Variants in RAB38 observed in about 807,000 individuals in gnomAD.
The protein encoded by RAB38 is ras-related protein Rab-38.
In RAB38, 15 loss-of-function variants were observed where a neutral mutation model predicts 18.4. That is an observed-to-expected ratio of 0.82 (90% confidence interval 0.55 to 1.26). The LOEUF (loss-of-function observed/expected upper bound fraction) is 1.26, where lower values mean the gene tolerates loss of function less well. Among genes scored for constraint, RAB38 ranks in the 50% most tolerant of loss-of-function variants. The pLI, the probability that RAB38 is intolerant of heterozygous loss-of-function variation, is 0.00. For synonymous variants in RAB38, 101 were observed against 104.4 expected, an observed-to-expected ratio of 0.97 and a Z score of 0.20; for missense variants, 294 against 267.4, an observed-to-expected ratio of 1.10 and a Z score of -0.69.
the RAB38 span, among the ~76,000 whole-genome samples, chr11:87,906,946 CATATT>C: frequency 1.3e-4 from 20 of 151,926 alleles, no homozygotes; most frequent in Admixed American, 5.3e-4. Context: ...TGTTTATTGA[CATATT>C]ATAATAACAT....
the RAB38 span, among the ~76,000 whole-genome samples, chr11:88,045,464 A>T: frequency 6.6e-6 from 1 of 152,188 alleles, no homozygotes; most frequent in African/African-American, 2.4e-5. Flanking sequence ...GGAGCTTGCT[A>T]CAAGTGCCGG....
chr11:88,144,255 G>A (rs1196405972), intron 2 of RAB38, among the ~76,000 whole-genome samples: 1 of 152,170 alleles, frequency 6.6e-6, no homozygotes, highest in Non-Finnish European at 1.5e-5. Context: ...AGGGTTAAAT[G>A]TGCTGTGACA....
the RAB38 span, among the ~76,000 whole-genome samples, chr11:88,031,387 G>C: frequency 6.7e-6 from 1 of 149,308 alleles, no homozygotes; most frequent in African/African-American, 2.4e-5. Context: ...AGGGCAATTA[G>C]GCAGGAGAAG....
the RAB38 span, among the ~76,000 whole-genome samples, chr11:88,026,771 C>A: frequency 1.3e-5 from 2 of 151,840 alleles, no homozygotes; most frequent in African/African-American, 4.8e-5. Context: ...TTACAACCAC[C>A]ACAGTAATAA....
chr11:87,975,929 G>C, the RAB38 span, among the ~76,000 whole-genome samples: 1 of 151,302 alleles, frequency 6.6e-6, no homozygotes, highest in East Asian at 1.9e-4. Flanking sequence ...GCATTTAAAA[G>C]ATTAAAACAA....
chr11:87,809,173 G>T, the RAB38 span, among the ~76,000 whole-genome samples: 3 of 152,122 alleles, frequency 2.0e-5, no homozygotes, highest in African/African-American at 7.2e-5. Context: ...GAAAAACATT[G>T]CCAGCTTGGA....
the RAB38 span, among the ~76,000 whole-genome samples, chr11:88,075,880 C>CA: frequency 4.2e-5 from 5 of 118,824 alleles, no homozygotes; most frequent in South Asian, 5.2e-4. Context: ...GATTTTGTCT[C>CA]AAAAAAAAGA....
chr11:87,821,569 G>T, the RAB38 span, among the ~76,000 whole-genome samples: 4 of 152,246 alleles, frequency 2.6e-5, no homozygotes, highest in African/African-American at 9.6e-5. Flanking sequence ...TATAATGAAG[G>T]CTGGGCACAG....
chr11:88,145,281 C>G (rs140755517), intron 2 of RAB38, among the ~76,000 whole-genome samples: 1 of 151,872 alleles, frequency 6.6e-6, no homozygotes, highest in Non-Finnish European at 1.5e-5. Context: ...TCCCAAGTAG[C>G]TGGGATTAAC....
the RAB38 span, among the ~76,000 whole-genome samples, chr11:88,047,947 T>C: frequency 6.6e-6 from 1 of 152,180 alleles, no homozygotes; most frequent in African/African-American, 2.4e-5. Flanking sequence ...TATTCTGTCG[T>C]CATTTCATAA....
the RAB38 span, among the ~76,000 whole-genome samples, chr11:87,865,714 G>C: frequency 6.6e-6 from 1 of 151,658 alleles, no homozygotes; most frequent in African/African-American, 2.4e-5. Context: ...AAGGAAAAGA[G>C]AAGGAAGGAA....
the RAB38 span, among the ~76,000 whole-genome samples, chr11:87,967,929 T>A: frequency 2.6e-5 from 4 of 152,146 alleles, no homozygotes. Context: ...TATGGGACAC[T>A]AACAGTCCAG....
chr11:87,803,796 C>T, the RAB38 span, among the ~76,000 whole-genome samples: 2 of 152,274 alleles, frequency 1.3e-5, no homozygotes, highest in East Asian at 1.9e-4. Flanking sequence ...ACACTGACAT[C>T]GTGAAAAGGA....
At chr11:87,846,974 C>T in the RAB38 span, among the ~76,000 whole-genome samples, 49 of 151,816 alleles carry the variant, frequency 3.2e-4, 1 homozygote, top group Middle Eastern at 3.4e-3. Flanking sequence ...ATATTTTAAA[C>T]GAATAATTAA....
chr11:88,072,705 G>C, the RAB38 span, among the ~76,000 whole-genome samples: 1 of 151,936 alleles, frequency 6.6e-6, no homozygotes, highest in African/African-American at 2.4e-5. Context: ...ATGACTGAGC[G>C]AAAGCAGGGC....
the RAB38 span, among the ~76,000 whole-genome samples, chr11:87,855,916 G>A: frequency 6.6e-6 from 1 of 151,864 alleles, no homozygotes; most frequent in Non-Finnish European, 1.5e-5. Flanking sequence ...CTCCCTATAC[G>A]GCAACATGTA....
the RAB38 span, among the ~76,000 whole-genome samples, chr11:88,008,627 CAG>C: frequency 6.6e-6 from 1 of 152,184 alleles, no homozygotes; most frequent in Non-Finnish European, 1.5e-5. Context: ...AGAAAGAAAA[CAG>C]AGAGATTATT....
chr11:87,885,222 C>A, the RAB38 span, among the ~76,000 whole-genome samples: 1 of 151,772 alleles, frequency 6.6e-6, no homozygotes, highest in Non-Finnish European at 1.5e-5. Flanking sequence ...GCTACACTTA[C>A]CACCCTGAAT....
chr11:87,842,824 A>G, the RAB38 span, among the ~76,000 whole-genome samples: 8,887 of 113,472 alleles, frequency 0.078, 357 homozygotes, highest in Admixed American at 0.12. Context: ...GCGCACACAC[A>G]CACACACACA....
Sources: allele counts gnomAD v4.1 joint callset (sites outside exome capture counted in the v4.1 genomes callset), GRCh38; gene constraint gnomAD v4.1.1; transcripts MANE v1.5; gene names NCBI Gene and HGNC (gene_info 2026-07-23, HGNC 2026-07-21).